Variants in TMEM132C observed in about 807,000 individuals in gnomAD.
TMEM132C encodes the protein transmembrane protein 132C, also known as protein phosphatase 1, regulatory subunit 152.
In TMEM132C, 29 loss-of-function variants were observed where a neutral mutation model predicts 61.4. That is an observed-to-expected ratio of 0.47 (90% CI 0.35 to 0.64). The LOEUF is 0.64. Among genes scored for constraint, TMEM132C ranks in the 30% least tolerant of loss-of-function variants. The probability of loss-of-function intolerance (pLI) is 0.00; values close to 1 mark genes in which losing one functional copy is unlikely to be tolerated. For synonymous variants in TMEM132C, 656 were observed against 633.1 expected, an observed-to-expected ratio of 1.04 and a Z score of -0.54; for missense variants, 1,408 against 1,476.9, an observed-to-expected ratio of 0.95 and a Z score of 0.76.
At chr12:128,289,648 C>G (rs1871195319) in intron 1 of TMEM132C, among the ~76,000 whole-genome samples, 1 of 152,186 alleles carries the variant, frequency 6.6e-6, no homozygotes, top group African/African-American at 2.4e-5. Flanking sequence ...TTGCTGGTAA[C>G]TTTTAAATCA....
chr12:128,302,238 A>G (rs1871622059), intron 1 of TMEM132C, among the ~76,000 whole-genome samples: 1 of 152,184 alleles, frequency 6.6e-6, no homozygotes, highest in South Asian at 2.1e-4. Flanking sequence ...TTTGTATTGT[A>G]TCATTGGCAC....
chr12:128,445,715 C>T (rs903952467), intron 2 of TMEM132C, among the ~76,000 whole-genome samples: 8 of 152,322 alleles, frequency 5.3e-5, no homozygotes, highest in Admixed American at 2.0e-4. Context: ...CTCCAGGGAG[C>T]ATCTCTTTCA....
chr12:128,581,878 G>A (rs1269838094), intron 3 of TMEM132C, among the ~76,000 whole-genome samples: 3 of 152,186 alleles, frequency 2.0e-5, no homozygotes, highest in Non-Finnish European at 4.4e-5. Flanking sequence ...GAAAAATTGA[G>A]TTGTGTACTG....
rs545519798 is a variant in TMEM132C at position 128,503,864 on chromosome 12, G to C, written c.975-40093G>C. Among the ~76,000 whole-genome samples, 225 of 152,230 alleles carry C rather than the reference G, an allele frequency of 1.5e-3. 3 individuals carry two copies. The highest frequency in any genetic ancestry group is 4.5e-3 in the African/African-American group (188 of 41,530). The stretch of plus-strand genomic sequence containing the variant: ...ATTCAGCAAATCACCCCCAAAACCT[G>C]GTGTCTCATAACAACCATCATTTTA... On this transcript the variant is annotated intron_variant, in intron 2 of 8. Coordinates refer to ENST00000435159, the MANE Select transcript of TMEM132C (RefSeq NM_001136103.3).
intron 3 of TMEM132C, among the ~76,000 whole-genome samples, chr12:128,596,011 G>T (rs1160651388): frequency 6.6e-6 from 1 of 152,230 alleles, no homozygotes; most frequent in Admixed American, 6.5e-5. Context: ...AGGGCCAGCC[G>T]CCCACTTCCC....
chr12:128,376,634 C>G (rs575787298), intron 1 of TMEM132C, among the ~76,000 whole-genome samples: 4 of 152,078 alleles, frequency 2.6e-5, no homozygotes, highest in African/African-American at 9.7e-5. Context: ...TTATTTCGAG[C>G]CTCTTGGAAT....
chr12:128,358,094 A>G (rs930840225), intron 1 of TMEM132C, among the ~76,000 whole-genome samples: 1 of 151,990 alleles, frequency 6.6e-6, no homozygotes, highest in South Asian at 2.1e-4. Context: ...CGAGGTTTGA[A>G]TCCCCTCTGG....
Position 128,367,379 on chromosome 12 carries a change from C to T in TMEM132C, c.86-47353C>T, listed in dbSNP as rs541485099. 7.2e-5 allele frequency among the ~76,000 whole-genome samples: 11 copies of T among 152,300 alleles called. 1 individual carries two copies. The South Asian group carries it at 2.3e-3, about 32-fold the overall frequency. On this transcript the variant is annotated intron_variant, in intron 1 of 8. Transcript: ENST00000435159. ...GCTCATTATGCAAAATGGTCACCTT[C>T]AGGAGAGAAAAATAGCTTTTCTGGT... is the stretch of plus-strand genomic sequence containing the variant.
intron 2 of TMEM132C, among the ~76,000 whole-genome samples, chr12:128,459,859 C>G (rs112634780): frequency 0.099 from 12,015 of 120,894 alleles, 574 homozygotes; most frequent in Middle Eastern, 0.2. Flanking sequence ...CACTCCAGCC[C>G]GGGCAACAGA....
chr12:128,466,666 C>G (rs555548459), intron 2 of TMEM132C, among the ~76,000 whole-genome samples: 1 of 152,158 alleles, frequency 6.6e-6, no homozygotes, highest in Non-Finnish European at 1.5e-5. Flanking sequence ...TGAGTACGTG[C>G]CACCATGCCT....
chr12:128,393,112 T>A (rs936629333), intron 1 of TMEM132C, among the ~76,000 whole-genome samples: 2 of 152,238 alleles, frequency 1.3e-5, no homozygotes, highest in African/African-American at 4.8e-5. Context: ...GTCCTAAGCA[T>A]CATTGCTTTA....
chr12:128,493,376 A>C (rs749036146), intron 2 of TMEM132C, among the ~76,000 whole-genome samples: 2 of 152,188 alleles, frequency 1.3e-5, no homozygotes, highest in Non-Finnish European at 2.9e-5. Context: ...CTTTTTTCCA[A>C]TTCTGTGAAG....
At chr12:128,545,123 C>T (rs1873902740) in intron 3 of TMEM132C, among the ~76,000 whole-genome samples, 1 of 152,190 alleles carries the variant, frequency 6.6e-6, no homozygotes, top group African/African-American at 2.4e-5. Flanking sequence ...TATTCCCTCC[C>T]TCTCCCCGGC....
At chr12:128,656,168 A>G (rs1593136901) in intron 4 of TMEM132C, among the ~76,000 whole-genome samples, 1 of 151,848 alleles carries the variant, frequency 6.6e-6, no homozygotes, top group South Asian at 2.1e-4. Flanking sequence ...CTCCTCCATC[A>G]CCCTCCCTAG....
chr12:128,626,088 G>C (rs1593125225), intron 4 of TMEM132C, among the ~76,000 whole-genome samples: 1 of 150,694 alleles, frequency 6.6e-6, no homozygotes, highest in South Asian at 2.1e-4. Context: ...TACAGTACCT[G>C]AAGTTATTTT....
chr12:128,439,492 A>C (rs1315896861), intron 2 of TMEM132C, among the ~76,000 whole-genome samples: 2 of 152,228 alleles, frequency 1.3e-5, no homozygotes, highest in African/African-American at 4.8e-5. Context: ...TAGACTTATT[A>C]TCCAGGAAAA....
At chr12:128,507,631 G>C (rs901170421) in intron 2 of TMEM132C, among the ~76,000 whole-genome samples, 2 of 152,042 alleles carry the variant, frequency 1.3e-5, no homozygotes, top group African/African-American at 4.8e-5. Context: ...TGTTTTCAGG[G>C]CTGCCAACTC....
chr12:128,585,913 G>T (rs1875528143), intron 3 of TMEM132C, among the ~76,000 whole-genome samples: 1 of 152,184 alleles, frequency 6.6e-6, no homozygotes, highest in South Asian at 2.1e-4. Context: ...GAGTTCGTGT[G>T]TAATGGGGAC....
At chr12:128,588,695 A>G (rs1241772676) in intron 3 of TMEM132C, among the ~76,000 whole-genome samples, 1 of 152,056 alleles carries the variant, frequency 6.6e-6, no homozygotes, top group Non-Finnish European at 1.5e-5. Context: ...CGCCTTAATA[A>G]AAGAGGCCAC....
Sources: gnomAD v4.1 joint callset for allele counts (sites outside exome capture counted in the v4.1 genomes callset) on GRCh38, gnomAD v4.1.1 for gene constraint, MANE v1.5 for transcripts, NCBI Gene and HGNC (gene_info 2026-07-23, HGNC 2026-07-21) for gene names.